The following NLGN4Y variants were observed in gnomAD, a reference collection of about 807,000 sequenced individuals.
The protein encoded by NLGN4Y is neuroligin-4, Y-linked.
In NLGN4Y, 4 loss-of-function variants were observed where a neutral mutation model predicts 8.4. The ratio of observed to expected loss-of-function variants is 0.48; its 90% CI spans 0.23 to 1.09. NLGN4Y has a LOEUF of 1.09. Among genes scored for constraint, NLGN4Y ranks in the 50% least tolerant of loss-of-function variants. The probability of loss-of-function intolerance (pLI) is 0.19; values close to 1 mark genes in which losing one functional copy is unlikely to be tolerated. For missense variants in NLGN4Y, 90 were observed against 192.3 expected, an observed-to-expected ratio of 0.47 and a Z score of 3.15; for synonymous variants, 35 against 75.6, an observed-to-expected ratio of 0.46 and a Z score of 2.78.
At chrY:14,551,882 A>C in intron 1 of NLGN4Y, among the ~76,000 whole-genome samples, 1 of 33,599 alleles carries the variant, frequency 3.0e-5, no homozygotes, top group African/African-American at 1.2e-4. Context: ...CTGGAAAAAC[A>C]AGAGCAAACA....
chrY:14,584,796 G>A lies in NLGN4Y; in HGVS notation c.-111-37213G>A, dbSNP rs774431443. Among the ~76,000 whole-genome samples, 30 of 32,806 alleles carry A rather than the reference G, an allele frequency of 9.1e-4. No homozygotes were observed. The East Asian group carries it at 0.012, about 13-fold the overall frequency. 88.0% of individuals were successfully genotyped at this position (32,806 alleles called of 37,273 possible). A position where few individuals can be genotyped will look rare whatever the true frequency, so the allele number is the denominator to read the frequency against. On this transcript the variant is annotated intron_variant, in intron 1 of 6. Transcript: ENST00000684976. ...GAAGTCAGTTTTATTGAAATAGTTA[G>A]CACATATATTAATATTAATATTTAA...
chrY:14,637,149 C>A, intron 2 of NLGN4Y, among the ~76,000 whole-genome samples: 1 of 32,423 alleles, frequency 3.1e-5, no homozygotes, highest in African/African-American at 1.2e-4. Context: ...TGCAGCAAAC[C>A]ACCAGGGCAC....
chrY:14,619,103 A>G, intron 1 of NLGN4Y, among the ~76,000 whole-genome samples: 1 of 33,271 alleles, frequency 3.0e-5, no homozygotes, highest in African/African-American at 1.2e-4. Context: ...AGATTTAGAT[A>G]GAGGAAGGAT....
At chrY:14,574,767 C>T (rs2080290570) in intron 1 of NLGN4Y, among the ~76,000 whole-genome samples, 1 of 33,482 alleles carries the variant, frequency 3.0e-5, no homozygotes, top group African/African-American at 1.2e-4. Flanking sequence ...CCTTCAAAAG[C>T]TCTTGTAGGG....
intron 1 of NLGN4Y, among the ~76,000 whole-genome samples, chrY:14,557,867 T>C (rs2080214935): frequency 3.0e-5 from 1 of 32,805 alleles, no homozygotes; most frequent in African/African-American, 1.2e-4. Flanking sequence ...GAGATCCTTA[T>C]GCATCCAAAT....
chrY:14,737,076 T>C (rs2080993501), intron 4 of NLGN4Y, among the ~76,000 whole-genome samples: 1 of 33,447 alleles, frequency 3.0e-5, no homozygotes, highest in Non-Finnish European at 7.4e-5. Flanking sequence ...TGTCTATAAA[T>C]ATTATCTGAG....
intron 2 of NLGN4Y, among the ~76,000 whole-genome samples, chrY:14,629,883 C>T (rs766567122): frequency 1.2e-4 from 4 of 33,518 alleles, no homozygotes; most frequent in Non-Finnish European, 2.9e-4. Flanking sequence ...TTTTGAGGAG[C>T]AGTTATATGC....
At chrY:14,603,434 C>T (rs942487604) in intron 1 of NLGN4Y, among the ~76,000 whole-genome samples, 4 of 33,201 alleles carry the variant, frequency 1.2e-4, no homozygotes, top group East Asian at 1.6e-3. Context: ...TTCCTTGATA[C>T]GGATTTATGG....
intron 4 of NLGN4Y, among the ~76,000 whole-genome samples, chrY:14,734,697 T>C (rs992423705): frequency 6.0e-5 from 2 of 33,580 alleles, no homozygotes; most frequent in Admixed American, 2.7e-4. Context: ...TAACCAATTA[T>C]ATGTATTCTA....
intron 2 of NLGN4Y, among the ~76,000 whole-genome samples, chrY:14,697,297 A>G: frequency 3.2e-5 from 1 of 31,282 alleles, no homozygotes; most frequent in African/African-American, 1.3e-4. Flanking sequence ...GATGGATAGT[A>G]AGATGATAGC....
Position 14,822,315 on chromosome Y carries a change from G to C in NLGN4Y, c.686-1873G>C, listed in dbSNP as rs766045877. Reference sequence around the variant, plus strand: ...CCTCAAAGATCAATCCATCCAGTAGGATGCTGTTTGAATAACTAAGATTTT... The same window carrying C: ...CCTCAAAGATCAATCCATCCAGTAGCATGCTGTTTGAATAACTAAGATTTT... On this transcript the variant is annotated intron_variant, in intron 4 of 6. Coordinates refer to ENST00000684976, the MANE Select transcript of NLGN4Y (RefSeq NM_001365588.1). Among the ~76,000 whole-genome samples, 3 of 33,660 alleles carry C rather than the reference G, an allele frequency of 8.9e-5. No individual in the cohort carries two copies. The East Asian group carries it at 2.4e-3, about 26-fold the overall frequency. 90.3% of individuals were successfully genotyped at this position (33,660 alleles called of 37,273 possible).
intron 4 of NLGN4Y, among the ~76,000 whole-genome samples, chrY:14,806,692 A>G (rs2043058371): frequency 3.1e-5 from 1 of 32,556 alleles, no homozygotes; most frequent in Non-Finnish European, 7.5e-5. Context: ...TAAATCTGTT[A>G]GTGAATAAAG....
chrY:14,837,473 A>T (rs919012158), intron 6 of NLGN4Y, among the ~76,000 whole-genome samples: 1 of 33,883 alleles, frequency 3.0e-5, no homozygotes, highest in African/African-American at 1.1e-4. Flanking sequence ...GAAGACAGGC[A>T]TTGAGTCTTT....
chrY:14,655,345 C>CT, intron 2 of NLGN4Y, among the ~76,000 whole-genome samples: 1 of 27,513 alleles, frequency 3.6e-5, no homozygotes, highest in Non-Finnish European at 8.4e-5. Context: ...TCTTGCTAAC[C>CT]TTTTTCTCTT....
chrY:14,766,952 G>A (rs1603503722), intron 4 of NLGN4Y, among the ~76,000 whole-genome samples: 1 of 32,607 alleles, frequency 3.1e-5, no homozygotes, highest in Non-Finnish European at 7.6e-5. Context: ...CCCTATCAGC[G>A]TTTCCTGTAT....
chrY:14,714,135 T>C (rs866170068), intron 2 of NLGN4Y, among the ~76,000 whole-genome samples: 55 of 32,902 alleles, frequency 1.7e-3, no homozygotes, highest in African/African-American at 6.0e-3. Flanking sequence ...TGTGTGTGTG[T>C]CCAAGCCACA....
chrY:14,648,215 G>A (rs759531033), intron 2 of NLGN4Y, among the ~76,000 whole-genome samples: 3 of 33,333 alleles, frequency 9.0e-5, no homozygotes, highest in Admixed American at 5.5e-4. Context: ...CAAGACCAGC[G>A]TGACTAAAAT....
chrY:14,725,421 T>C (rs777434633), intron 4 of NLGN4Y, among the ~76,000 whole-genome samples: 1 of 34,168 alleles, frequency 2.9e-5, no homozygotes, highest in Non-Finnish European at 7.3e-5. Context: ...ACCTTTCCCA[T>C]GGGCCAATAC....
At chrY:14,589,231 G>T (rs2080354080) in intron 1 of NLGN4Y, among the ~76,000 whole-genome samples, 2 of 32,872 alleles carry the variant, frequency 6.1e-5, no homozygotes, top group African/African-American at 2.4e-4. Context: ...TAGATACAAA[G>T]GTTCTCCATG....
Sources: gnomAD v4.1 joint callset for allele counts (sites outside exome capture counted in the v4.1 genomes callset) on GRCh38, gnomAD v4.1.1 for gene constraint, MANE v1.5 for transcripts, NCBI Gene and HGNC (gene_info 2026-07-23, HGNC 2026-07-21) for gene names.